Variants in ALKBH5 observed in about 807,000 individuals in gnomAD.
ALKBH5 encodes alkB homolog 5, RNA demethylase.
In ALKBH5, 2 loss-of-function variants were observed where a neutral mutation model predicts 32.1. The ratio of observed to expected loss-of-function variants is 0.06; its 90% CI spans 0.03 to 0.20. ALKBH5 has a LOEUF of 0.20. ALKBH5 is among the 10% of genes least tolerant of loss of function. The pLI is 1.00. For synonymous variants in ALKBH5, 300 were observed against 231.7 expected, an observed-to-expected ratio of 1.29 and a Z score of -2.68; for missense variants, 352 against 559.5, an observed-to-expected ratio of 0.63 and a Z score of 3.74.
At chr17:18,205,954 C>T (rs538862888) in intron 2 of ALKBH5, among the ~76,000 whole-genome samples, 1 of 152,304 alleles carries the variant, frequency 6.6e-6, no homozygotes, top group South Asian at 2.1e-4. Flanking sequence ...TTACATGGGT[C>T]CTTCTGCCCT....
At chr17:18,187,514 A>G (rs1014792777) in intron 1 of ALKBH5, among the ~76,000 whole-genome samples, 3 of 152,182 alleles carry the variant, frequency 2.0e-5, no homozygotes, top group Non-Finnish European at 4.4e-5. Context: ...CTAGGTGCCA[A>G]TAGTGTTTTT....
intron 2 of ALKBH5, among the ~76,000 whole-genome samples, chr17:18,204,197 A>AT (rs1402823270): frequency 6.6e-6 from 1 of 152,178 alleles, no homozygotes; most frequent in Non-Finnish European, 1.5e-5. Flanking sequence ...CACGCCTTTA[A>AT]TTTCAGCACT....
intron 1 of ALKBH5, 107 bp downstream of exon 1, chr17:18,185,120 C>G (rs2047130272): frequency 6.7e-7 from 1 of 1,495,074 alleles, no homozygotes; most frequent in South Asian, 1.3e-5. Context: ...ACAGTTCTGA[C>G]CAGTTCTTCT....
Position 18,201,790 on chromosome 17 carries a change from A to G in ALKBH5, c.852-5025A>G, listed in dbSNP as rs1567676649. Among the ~76,000 whole-genome samples the G allele has an allele frequency of 1.3e-3, 101 of 80,386 alleles. 1 individual carries two copies. The highest frequency in any genetic ancestry group is 4.8e-3 in the African/African-American group (99 of 20,510). The allele number at this position is 80,386 out of a possible 152,430, so 52.7% of individuals were successfully genotyped here. A position where few individuals can be genotyped will look rare whatever the true frequency, so the allele number is the denominator to read the frequency against. ...AGATAGATAGATAGATAGATAGGAT[A>G]GATAAGATAGATAGATAGATAGATA... On this transcript the variant is annotated intron_variant, in intron 2 of 3. Transcript: ENST00000399138.
In ALKBH5 at chr17:18,184,238, G is replaced by C. The variant is rs143278496; in HGVS notation, c.-6G>C. 6.1e-3 allele frequency: 9,182 copies of C among 1,507,794 alleles called. 126 individuals carry two copies. Among genetic ancestry groups the C allele is most frequent in the African/African-American group, 0.051 (3,499 of 68,904 alleles). 93.4% of individuals were successfully genotyped at this position (1,507,794 alleles called of 1,614,324 possible). A position where few individuals can be genotyped will look rare whatever the true frequency, so the allele number is the denominator to read the frequency against. On this transcript the variant is annotated 5_prime_UTR_variant, in exon 1 of 4. Transcript: ENST00000399138. ...CGGAGGACCCTAGAGCAGCGTCGTG[G>C]GGGCCATGGCGGCCGCCAGCGGCTA...
At position 18,208,472 on chromosome 17, in the gene ALKBH5, T is replaced by C; in HGVS notation, c.*76T>C. On this transcript the variant is annotated 3_prime_UTR_variant, in exon 4 of 4. Coordinates refer to ENST00000399138, the MANE Select transcript of ALKBH5 (RefSeq NM_017758.4). ...CCTCCTTTTGTTTTGAGGGTTTTGT[T>C]TTTGTTCATTGGGGGGTTTTTGTTT... 6.5e-7 allele frequency: 1 copy of C among 1,542,512 alleles called. No homozygotes were observed. Among genetic ancestry groups the C allele is most frequent in the Non-Finnish European group, 8.9e-7 (1 of 1,128,968 alleles).
At chr17:18,200,741 A>G (rs1427099676) in intron 2 of ALKBH5, among the ~76,000 whole-genome samples, 1 of 152,250 alleles carries the variant, frequency 6.6e-6, no homozygotes, top group African/African-American at 2.4e-5. Context: ...CTTAGCCAGC[A>G]TAGAATGAGG....
chr17:18,209,485 C>T lies in ALKBH5; in HGVS notation c.*1089C>T, dbSNP rs1484165428. The T allele has an allele frequency of 6.6e-6, 1 of 152,446 alleles. No homozygotes were observed. The highest frequency in any genetic ancestry group is 1.5e-5 in the Non-Finnish European group (1 of 68,062). 9.4% of individuals were successfully genotyped at this position (152,446 alleles called of 1,614,324 possible). A position where few individuals can be genotyped will look rare whatever the true frequency, so the allele number is the denominator to read the frequency against. On this transcript the variant is annotated 3_prime_UTR_variant, in exon 4 of 4. Transcript: ENST00000399138. ...GCAGACTGGGCTGGTGCCTCCTCCG[C>T]TTCAGGGTATGGGAGTTGGTGAAGG... is the stretch of plus-strand genomic sequence containing the variant.
chr17:18,194,791 G>A (rs1470186807), intron 1 of ALKBH5, among the ~76,000 whole-genome samples, 164 bp from the exon 2 acceptor site: 1 of 152,140 alleles, frequency 6.6e-6, no homozygotes, highest in Non-Finnish European at 1.5e-5. Context: ...AAAGCATCCT[G>A]GAACTTAATA....
At chr17:18,201,841 TAGATA>T (rs2047242757) in intron 2 of ALKBH5, among the ~76,000 whole-genome samples, 1 of 73,510 alleles carries the variant, frequency 1.4e-5, no homozygotes, top group African/African-American at 4.7e-5. Flanking sequence ...AGATAGATGA[TAGATA>T]GATTGATTGA....
At chr17:18,199,726 G>T (rs2047225472) in intron 2 of ALKBH5, among the ~76,000 whole-genome samples, 1 of 152,038 alleles carries the variant, frequency 6.6e-6, no homozygotes. Context: ...TAATAAGTTT[G>T]CACTTTGCCT....
rs1451855806 is a variant in ALKBH5, at chr17:18,184,311, A to G, written c.68A>G (p.Tyr23Cys). ...AAGTCCATGACGTCCCGGGACAACTATAAGGCGGGCAGCCGGGAGGCCGCC... is the reference window on the plus strand; with the variant it reads ...AAGTCCATGACGTCCCGGGACAACTGTAAGGCGGGCAGCCGGGAGGCCGCC... ...KLKSMTSRDNYKAGSREAAAA... is the reference protein window; with the variant it reads ...KLKSMTSRDNCKAGSREAAAA... The change falls in exon 1 of 4, where the codon TAT (tyrosine) becomes TGT (cysteine). Residue 23 changes from tyrosine to cysteine, a missense_variant. Tyr to Cys is a radical substitution (Grantham distance 194). Coordinates refer to ENST00000399138, the MANE Select transcript of ALKBH5 (RefSeq NM_017758.4). The G allele has an allele frequency of 5.3e-6, 8 of 1,521,490 alleles. No homozygotes were observed. Among genetic ancestry groups the G allele is most frequent in the East Asian group, 2.6e-5 (1 of 38,860 alleles). The allele number at this position is 1,521,490 out of a possible 1,614,324, so 94.2% of individuals were successfully genotyped here.
intron 2 of ALKBH5, among the ~76,000 whole-genome samples, chr17:18,198,205 A>C (rs1321447393): frequency 6.6e-6 from 1 of 152,212 alleles, no homozygotes; most frequent in Non-Finnish European, 1.5e-5. Flanking sequence ...CTTTCAGCAC[A>C]CATGCAGACA....
intron 1 of ALKBH5, among the ~76,000 whole-genome samples, chr17:18,189,274 T>G (rs11657194): frequency 0.21 from 32,114 of 150,094 alleles, 3,711 homozygotes; most frequent in Middle Eastern, 0.32. Flanking sequence ...CCCAGCTACT[T>G]GGGATGCTGA....
chr17:18,203,600 G>A (rs555006309), intron 2 of ALKBH5, among the ~76,000 whole-genome samples: 42 of 152,254 alleles, frequency 2.8e-4, no homozygotes, highest in Non-Finnish European at 5.6e-4. Context: ...CCTGGGTCCA[G>A]ACCTTACTGC....
chr17:18,184,236 TG>T lies in ALKBH5; in HGVS notation c.-3del. On this transcript the variant is annotated 5_prime_UTR_variant, in exon 1 of 4. Coordinates refer to ENST00000399138, the MANE Select transcript of ALKBH5 (RefSeq NM_017758.4). ...CCCGGAGGACCCTAGAGCAGCGTCG[TG>T]GGGGCCATGGCGGCCGCCAGCGGCT... The T allele has an allele frequency of 1.3e-6, 2 of 1,505,756 alleles. No individual in the cohort carries two copies. Among genetic ancestry groups the T allele is most frequent in the South Asian group, 2.5e-5 (2 of 80,114 alleles). The allele number at this position is 1,505,756 out of a possible 1,614,324, so 93.3% of individuals were successfully genotyped here.
chr17:18,197,405 A>G (rs2047210631), intron 2 of ALKBH5, among the ~76,000 whole-genome samples: 1 of 152,206 alleles, frequency 6.6e-6, no homozygotes, highest in Non-Finnish European at 1.5e-5. Context: ...CTCAGGCTGT[A>G]CCTGGTACCT....
chr17:18,201,617 G>T (rs2047236505), intron 2 of ALKBH5, among the ~76,000 whole-genome samples: 1 of 152,124 alleles, frequency 6.6e-6, no homozygotes, highest in Non-Finnish European at 1.5e-5. Context: ...AATTAGCCGG[G>T]CGTGGTAGCA....
At position 18,184,608 on chromosome 17, in the gene ALKBH5, A is replaced by G. The variant is rs201004949; in HGVS notation, c.365A>G (p.His122Arg). The part of the protein sequence containing the change: ...SRAEKGLYNE[H>R]TVDRAPLRNK... ...GCTGAGAAGGGCCTGTACAACGAGC[A>G]CACGGTGGACCGGGCCCCACTGCGC... is the stretch of plus-strand genomic sequence containing the variant. Residue 122 changes from histidine (H) to arginine (R), a missense_variant, in exon 1 of 4, where the codon CAC becomes CGC. His to Arg is a conservative substitution (Grantham distance 29). Transcript: ENST00000399138. 6.9e-5 allele frequency: 111 copies of G among 1,613,308 alleles called. No homozygotes were observed. The Admixed American group carries it at 8.8e-4, about 13-fold the overall frequency.
Sources: allele counts gnomAD v4.1 joint callset (sites outside exome capture counted in the v4.1 genomes callset), GRCh38; gene constraint gnomAD v4.1.1; transcripts MANE v1.5; gene names NCBI Gene and HGNC (gene_info 2026-07-23, HGNC 2026-07-21).